Variants in CNTN4 observed in about 807,000 individuals in gnomAD.
CNTN4 encodes the protein contactin 4.
CNTN4 carries 77 observed loss-of-function variants against 122.5 expected under a neutral mutation model. The observed-to-expected ratio is 0.63, with a 90% CI of 0.52 to 0.76. The LOEUF (loss-of-function observed/expected upper bound fraction) is 0.76. CNTN4 is among the 30% of genes least tolerant of loss of function. The pLI, the probability that CNTN4 is intolerant of heterozygous loss-of-function variation, is 0.00. For missense variants in CNTN4, 1,256 were observed against 1,259.1 expected (o/e 1.00, Z 0.04); for synonymous variants, 512 against 447.0 (o/e 1.15, Z -1.83).
intron 14 of CNTN4, among the ~76,000 whole-genome samples, chr3:3,001,507 A>G (rs1192227812): frequency 2.0e-5 from 3 of 152,214 alleles, no homozygotes; most frequent in Non-Finnish European, 4.4e-5. Context: ...ACTTGAACCC[A>G]CAGACTTGTA....
At chr3:2,170,116 T>C (rs1478701057) in intron 2 of CNTN4, among the ~76,000 whole-genome samples, 3 of 151,708 alleles carry the variant, frequency 2.0e-5, no homozygotes, top group Admixed American at 6.6e-5. Flanking sequence ...GGTCAGGAGA[T>C]CGAGACCATC....
chr3:2,743,418 G>C (rs1382532584), intron 5 of CNTN4, among the ~76,000 whole-genome samples: 1 of 152,094 alleles, frequency 6.6e-6, no homozygotes, highest in Non-Finnish European at 1.5e-5. Flanking sequence ...AACATTGTCA[G>C]TTTCTAATCC....
chr3:2,699,468 G>T (rs1013898836), intron 4 of CNTN4, among the ~76,000 whole-genome samples: 5 of 152,160 alleles, frequency 3.3e-5, no homozygotes, highest in African/African-American at 1.2e-4. Context: ...ACTTGAACTT[G>T]TAAAAGTCAG....
intron 4 of CNTN4, among the ~76,000 whole-genome samples, chr3:2,584,309 C>T (rs35697673): frequency 0.098 from 14,847 of 151,592 alleles, 961 homozygotes; most frequent in Non-Finnish European, 0.14. Context: ...TGCCATGAGC[C>T]GCATGCCTTC....
chr3:2,201,328 T>C (rs1314877566), intron 2 of CNTN4, among the ~76,000 whole-genome samples: 2 of 152,152 alleles, frequency 1.3e-5, no homozygotes, highest in African/African-American at 2.4e-5. Context: ...CAAGATAATG[T>C]TGGTAGAAGT....
intron 3 of CNTN4, among the ~76,000 whole-genome samples, chr3:2,485,072 C>T (rs147285789): frequency 0.01 from 1,530 of 152,322 alleles, 10 homozygotes; most frequent in Middle Eastern, 0.034. Flanking sequence ...GCAGAGGGTG[C>T]GCCGGGTCCC....
At chr3:2,368,495 T>C (rs1170685686) in intron 3 of CNTN4, among the ~76,000 whole-genome samples, 2 of 152,170 alleles carry the variant, frequency 1.3e-5, no homozygotes, top group African/African-American at 4.8e-5. Context: ...ATGTGCAAGT[T>C]CTCTTGCTAT....
chr3:2,600,486 T>C lies in CNTN4; in HGVS notation c.55+28928T>C, dbSNP rs2080991811. 2.0e-5 allele frequency among the ~76,000 whole-genome samples: 3 copies of C among 152,134 alleles called. No individual in the cohort carries two copies. In the South Asian group the frequency reaches 6.2e-4, roughly 31 times the overall value. ...TGTCCTTGTGATAGTTTGCTCAGAA[T>C]GATGGTTTCCAGCTTCATCCATGTC... On this transcript the variant is annotated intron_variant, in intron 4 of 24. Transcript: ENST00000418658.
intron 7 of CNTN4, 77 bp from the exon 8 acceptor site, chr3:2,866,674 CT>C: frequency 3.6e-6 from 5 of 1,380,002 alleles, no homozygotes; most frequent in Middle Eastern, 2.3e-4. Flanking sequence ...CATTTTTAAC[CT>C]GATCATTTCT....
At chr3:2,575,383 C>T (rs1159781495) in intron 4 of CNTN4, among the ~76,000 whole-genome samples, 7 of 151,620 alleles carry the variant, frequency 4.6e-5, no homozygotes, top group Admixed American at 1.3e-4. Context: ...TGGTGGTGCA[C>T]GTCTATAATG....
chr3:2,134,432 G>C (rs2034591429), intron 2 of CNTN4, among the ~76,000 whole-genome samples: 1 of 152,192 alleles, frequency 6.6e-6, no homozygotes. Context: ...ACATGGAAAA[G>C]CTACAAGGAG....
chr3:2,811,138 G>A (rs779897663), intron 6 of CNTN4, among the ~76,000 whole-genome samples: 11 of 151,946 alleles, frequency 7.2e-5, no homozygotes, highest in Non-Finnish European at 1.3e-4. Context: ...GGCCAGGTGC[G>A]GTGGCTCACA....
chr3:2,851,593 T>C (rs1471704118), intron 7 of CNTN4, among the ~76,000 whole-genome samples: 1 of 152,254 alleles, frequency 6.6e-6, no homozygotes, highest in East Asian at 1.9e-4. Context: ...GCTTGGCGTT[T>C]TATTGTTTAC....
chr3:2,356,281 G>A (rs540023788), intron 3 of CNTN4, among the ~76,000 whole-genome samples: 1 of 152,288 alleles, frequency 6.6e-6, no homozygotes, highest in East Asian at 1.9e-4. Context: ...CAGAGCAGTG[G>A]CATGTGTAGC....
At chr3:2,973,174 G>C (rs946019041) in intron 13 of CNTN4, among the ~76,000 whole-genome samples, 1 of 152,056 alleles carries the variant, frequency 6.6e-6, no homozygotes, top group East Asian at 1.9e-4. Context: ...AAATAGTTGA[G>C]TCTAATTATT....
At chr3:2,507,608 G>A (rs961777783) in intron 3 of CNTN4, among the ~76,000 whole-genome samples, 4 of 151,346 alleles carry the variant, frequency 2.6e-5, no homozygotes, top group African/African-American at 4.9e-5. Context: ...AGTGGCAGGC[G>A]CCTGTAATCC....
chr3:2,882,865 TAAGAC>T, intron 8 of CNTN4: 1 of 358,496 alleles, frequency 2.8e-6, no homozygotes, highest in Non-Finnish European at 5.3e-6. Flanking sequence ...TTTTTTTCCT[TAAGAC>T]TACCTTAAAA....
At chr3:2,369,633 C>A (rs1196644558) in intron 3 of CNTN4, among the ~76,000 whole-genome samples, 3 of 152,074 alleles carry the variant, frequency 2.0e-5, no homozygotes, top group Admixed American at 2.0e-4. Context: ...AGCAGAATAT[C>A]CAGGTTCTCT....
At position 3,040,168 on chromosome 3, in the gene CNTN4, G is replaced by C. The variant is rs1323887959; in HGVS notation, c.2295G>C (p.Glu765Asp). ...ADASRYVFRN[E>D]SVHPFSPFEV... is the part of the protein sequence containing the mutation. ...CCTCTAGATACGTGTTCAGGAATGA[G>C]AGCGTGCACCCCTTCTCTCCCTTTG... is the stretch of plus-strand genomic sequence containing the variant. Residue 765 changes from glutamate (E) to aspartate (D), a missense_variant, in exon 20 of 25, where the codon GAG (glutamate) becomes GAC (aspartate). Coordinates refer to ENST00000418658, the MANE Select transcript of CNTN4 (RefSeq NM_175607.3). The C allele has an allele frequency of 1.2e-6, 2 of 1,614,190 alleles. No homozygotes were observed. The highest frequency in any genetic ancestry group is 1.7e-5 in the Admixed American group (1 of 60,022).
Sources: gnomAD v4.1 joint callset for allele counts (sites outside exome capture counted in the v4.1 genomes callset) on GRCh38, gnomAD v4.1.1 for gene constraint, MANE v1.5 for transcripts, NCBI Gene and HGNC (gene_info 2026-07-23, HGNC 2026-07-21) for gene names.